LDHB: variants seen among roughly 807,000 people sequenced by gnomAD.
LDHB encodes the protein lactate dehydrogenase B.
In LDHB, 18 loss-of-function variants were observed where a neutral mutation model predicts 33.4. That is an observed-to-expected ratio of 0.54 (90% CI 0.37 to 0.80). The LOEUF (loss-of-function observed/expected upper bound fraction) is 0.80. Among genes scored for constraint, LDHB ranks in the 30% least tolerant of loss-of-function variants. The pLI is 0.00. For missense variants in LDHB, 345 were observed against 407.9 expected, an observed-to-expected ratio of 0.85 and a Z score of 1.33; for synonymous variants, 121 against 140.6, an observed-to-expected ratio of 0.86 and a Z score of 0.98.
rs1020789653 is a variant in LDHB at position 21,638,465 on chromosome 12, C to T, written c.601G>A (p.Val201Met). The T allele has an allele frequency of 4.6e-6, 7 of 1,514,204 alleles. No homozygotes were observed. The African/African-American group carries it at 8.5e-5, about 18-fold the overall frequency. 93.8% of individuals were successfully genotyped at this position (1,514,204 alleles called of 1,614,324 possible). A position where few individuals can be genotyped will look rare whatever the true frequency, so the allele number is the denominator to read the frequency against. The change falls in exon 6 of 8, where the codon GTG becomes ATG. Residue 201 changes from valine (V) to methionine (M), a missense_variant. By Grantham distance (21) the Val-to-Met change is conservative. Transcript: ENST00000350669. ...CCTGCCACATTCACACCACTCCACA[C>T]AGCCACTGTTTAAAAAAAAAAAAAA... Reference protein sequence around the residue: ...LGEHGDSSVAVWSGVNVAGVS... With the variant: ...LGEHGDSSVAMWSGVNVAGVS...
chr12:21,635,726 G>A lies in LDHB; in HGVS notation c.838-17C>T. 2 of 1,611,668 alleles carry A rather than the reference G, an allele frequency of 1.2e-6. No individual in the cohort carries two copies. The highest frequency in any genetic ancestry group is 1.7e-6 in the Non-Finnish European group (2 of 1,178,068). ...ATACATCCCCTGCCAGAACAACAAA[G>A]CATCGAGATTAAGACATGAAACTGT... On this transcript the variant is annotated splice_polypyrimidine_tract_variant and intron_variant, in intron 7 of 7. Coordinates refer to ENST00000350669, the MANE Select transcript of LDHB (RefSeq NM_002300.8).
At chr12:21,648,444 T>A (rs1938590472) in intron 2 of LDHB, among the ~76,000 whole-genome samples, 1 of 151,688 alleles carries the variant, frequency 6.6e-6, no homozygotes, top group East Asian at 1.9e-4. Context: ...AAAAAAAAAA[T>A]CTGCCTGTAA....
intron 2 of LDHB, among the ~76,000 whole-genome samples, chr12:21,652,530 T>C (rs1938720306): frequency 6.6e-6 from 1 of 152,262 alleles, no homozygotes; most frequent in South Asian, 2.1e-4. Context: ...ACAGTGAGCG[T>C]GAAATTGTGG....
chr12:21,649,294 A>T lies in LDHB; in HGVS notation c.130-2278T>A, dbSNP rs78045625. Among the ~76,000 whole-genome samples, 1,156 of 152,242 alleles carry T rather than the reference A, an allele frequency of 7.6e-3. 11 individuals are homozygous for T. Among genetic ancestry groups the T allele is most frequent in the African/African-American group, 0.027 (1,116 of 41,538 alleles). The stretch of plus-strand genomic sequence containing the variant: ...GCCTGAGAAGTGCATATTCGGCTGA[A>T]AAGGAAGGAAGAGATCCAACACTTA... On this transcript the variant is annotated intron_variant, in intron 2 of 7. Transcript: ENST00000350669.
intron 7 of LDHB, 41 bp downstream of exon 7, chr12:21,637,030 A>G: frequency 1.3e-6 from 2 of 1,485,754 alleles, no homozygotes; most frequent in South Asian, 2.3e-5. Context: ...GTAGAATACA[A>G]TGCGAGAAAT....
At chr12:21,645,086 G>A (rs917726925) in intron 3 of LDHB, among the ~76,000 whole-genome samples, 2 of 151,982 alleles carry the variant, frequency 1.3e-5, no homozygotes, top group Non-Finnish European at 2.9e-5. Flanking sequence ...CCACCCCTGC[G>A]CTCCCTGAAA....
chr12:21,640,784 G>A (rs1431599661), intron 5 of LDHB, among the ~76,000 whole-genome samples: 1 of 151,972 alleles, frequency 6.6e-6, no homozygotes, highest in Non-Finnish European at 1.5e-5. Flanking sequence ...AGTTCAAAAT[G>A]AGGCTGGTGC....
intron 4 of LDHB, among the ~76,000 whole-genome samples, 165 bp from the exon 5 acceptor site, chr12:21,642,290 A>G (rs889393412): frequency 6.6e-6 from 1 of 152,232 alleles, no homozygotes; most frequent in African/African-American, 2.4e-5. Context: ...TAGAGATACC[A>G]GGAATGACAG....
chr12:21,636,981 G>C (rs1156548068), intron 7 of LDHB, 90 bp downstream of exon 7: 1 of 1,101,600 alleles, frequency 9.1e-7, no homozygotes, highest in African/African-American at 1.5e-5. Context: ...CTTGAACTAT[G>C]ATTTTATCTG....
At chr12:21,645,077 C>A (rs940587732) in intron 3 of LDHB, among the ~76,000 whole-genome samples, 6 of 152,090 alleles carry the variant, frequency 3.9e-5, no homozygotes, top group Non-Finnish European at 7.4e-5. Flanking sequence ...ACCCTACCCC[C>A]ACCCCTGCGC....
chr12:21,643,645 C>A lies in LDHB; in HGVS notation c.421+290G>T, dbSNP rs765990945. The stretch of plus-strand genomic sequence containing the variant: ...TGTTCGAATGCTTCATTCTCCATCC[C>A]AGGATAATCTTTATAAAAAAGTTTT... On this transcript the variant is annotated intron_variant, in intron 4 of 7. Coordinates refer to ENST00000350669, the MANE Select transcript of LDHB (RefSeq NM_002300.8). 2.7e-4 allele frequency: 102 copies of A among 375,810 alleles called. 1 individual carries two copies. Among genetic ancestry groups the A allele is most frequent in the South Asian group, 9.0e-4 (20 of 22,280 alleles). 23.3% of individuals were successfully genotyped at this position (375,810 alleles called of 1,614,324 possible).
intron 7 of LDHB, among the ~76,000 whole-genome samples, chr12:21,636,738 A>C (rs2136959414): frequency 6.6e-6 from 1 of 152,274 alleles, no homozygotes; most frequent in Non-Finnish European, 1.5e-5. Flanking sequence ...ATGAAAGGCA[A>C]TCTAGAGTTT....
At chr12:21,637,745 T>G (rs1277540313) in intron 6 of LDHB, among the ~76,000 whole-genome samples, 1 of 151,954 alleles carries the variant, frequency 6.6e-6, no homozygotes. Context: ...TTTAATGCAA[T>G]TGACACCCAA....
At chr12:21,644,818 G>A (rs562868775) in intron 3 of LDHB, among the ~76,000 whole-genome samples, 2 of 152,280 alleles carry the variant, frequency 1.3e-5, no homozygotes, top group East Asian at 3.9e-4. Flanking sequence ...TCATAAGGTT[G>A]TTGCAAAGAT....
At chr12:21,640,759 T>C (rs1702862239) in intron 5 of LDHB, among the ~76,000 whole-genome samples, 1 of 151,794 alleles carries the variant, frequency 6.6e-6, no homozygotes, top group African/African-American at 2.4e-5. Context: ...CTGATTCTAG[T>C]GCTGGGAAGG....
At position 21,641,979 on chromosome 12, in the gene LDHB, T is replaced by A; in HGVS notation, c.568A>T (p.Ile190Phe). 6.2e-7 allele frequency: 1 copy of A among 1,613,346 alleles called. No homozygotes were observed. Among genetic ancestry groups the A allele is most frequent in the South Asian group, 1.1e-5 (1 of 90,898 alleles). Residue 190 changes from isoleucine (I) to phenylalanine (F), a missense_variant, in exon 5 of 8, where the codon ATT (isoleucine) becomes TTT (phenylalanine). Transcript: ENST00000350669. ...CTTGAGTCGCCATGTTCCCCCAAAA[T>A]CCATCCATGGCAGCTGCTGGGATGA... ...GIHPSSCHGWILGEHGDSSVA... is the reference protein window; with the variant it reads ...GIHPSSCHGWFLGEHGDSSVA...
intron 7 of LDHB, 149 bp downstream of exon 7, chr12:21,636,922 G>C (rs1017205171): frequency 1.1e-4 from 84 of 738,918 alleles, no homozygotes; most frequent in Non-Finnish European, 1.9e-4. Context: ...CAAGACTTCT[G>C]TTGGAAAATG....
intron 7 of LDHB, among the ~76,000 whole-genome samples, chr12:21,636,201 T>G (rs1053874683): frequency 6.6e-6 from 1 of 152,114 alleles, no homozygotes; most frequent in African/African-American, 2.4e-5. Flanking sequence ...TTGTGGTTCT[T>G]AATGGATTAC....
At chr12:21,645,212 A>C (rs1014840285) in intron 3 of LDHB, among the ~76,000 whole-genome samples, 3 of 132,976 alleles carry the variant, frequency 2.3e-5, no homozygotes, top group African/African-American at 8.3e-5. Flanking sequence ...CCTAATCTCA[A>C]GTACCCAGAG....
Sources: allele counts gnomAD v4.1 joint callset (sites outside exome capture counted in the v4.1 genomes callset), GRCh38; gene constraint gnomAD v4.1.1; transcripts MANE v1.5; gene names NCBI Gene and HGNC (gene_info 2026-07-23, HGNC 2026-07-21).